The following CACNA2D3 variants were observed in gnomAD, a reference collection of about 807,000 sequenced individuals.
The protein encoded by CACNA2D3 is calcium voltage-gated channel auxiliary subunit alpha2delta 3, also known as voltage-dependent calcium channel subunit alpha-2/delta-3.
Under a neutral mutation model 160.6 loss-of-function variants are expected in CACNA2D3, and 60 were observed. The ratio of observed to expected loss-of-function variants is 0.37; its 90% CI spans 0.30 to 0.46. The LOEUF (loss-of-function observed/expected upper bound fraction) is 0.46. Among genes scored for constraint, CACNA2D3 ranks in the 20% least tolerant of loss-of-function variants. The probability of loss-of-function intolerance (pLI) is 1.00; values close to 1 mark genes in which losing one functional copy is unlikely to be tolerated. For missense variants in CACNA2D3, 1,205 were observed against 1,365.0 expected (o/e 0.88, Z 1.85); for synonymous variants, 558 against 492.9 (o/e 1.13, Z -1.75).
chr3:54,147,197 C>T (rs937095957), intron 2 of CACNA2D3, among the ~76,000 whole-genome samples: 2 of 152,214 alleles, frequency 1.3e-5, no homozygotes, highest in African/African-American at 4.8e-5. Context: ...GGGTGTGTGG[C>T]TTTGCTCTTC....
intron 35 of CACNA2D3, among the ~76,000 whole-genome samples, chr3:55,056,868 T>C (rs1009672454): frequency 7.9e-5 from 12 of 152,186 alleles, no homozygotes; most frequent in Non-Finnish European, 1.8e-4. Context: ...AAGGACTGTT[T>C]CTGGAGTTCT....
intron 27 of CACNA2D3, among the ~76,000 whole-genome samples, chr3:54,926,225 A>G (rs1011999066): frequency 5.3e-5 from 8 of 152,138 alleles, no homozygotes; most frequent in Admixed American, 5.2e-4. Context: ...TGAGCCACCT[A>G]CCATTCTAAG....
chr3:54,979,627 C>T (rs1264280354), intron 29 of CACNA2D3, among the ~76,000 whole-genome samples: 3 of 152,118 alleles, frequency 2.0e-5, no homozygotes, highest in East Asian at 3.9e-4. Flanking sequence ...AAAAATATTA[C>T]TTCAGTTTTT....
chr3:54,628,631 A>T (rs1699172869), intron 10 of CACNA2D3, among the ~76,000 whole-genome samples: 1 of 146,476 alleles, frequency 6.8e-6, no homozygotes, highest in East Asian at 1.9e-4. Context: ...TGGACTAGGG[A>T]GATAGCAGTG....
At chr3:55,034,505 T>G (rs113647172) in intron 35 of CACNA2D3, among the ~76,000 whole-genome samples, 90 of 152,174 alleles carry the variant, frequency 5.9e-4, no homozygotes, top group African/African-American at 2.2e-3. Context: ...GCATAGCTCA[T>G]CATAATTATT....
At chr3:54,334,302 G>A (rs1392682036) in intron 3 of CACNA2D3, among the ~76,000 whole-genome samples, 2 of 152,128 alleles carry the variant, frequency 1.3e-5, no homozygotes, top group East Asian at 3.9e-4. Context: ...GGCCAGGCTG[G>A]TCTTGACTCC....
chr3:54,462,371 G>A (rs1037549602), intron 4 of CACNA2D3, among the ~76,000 whole-genome samples: 1 of 152,168 alleles, frequency 6.6e-6, no homozygotes. Flanking sequence ...TGTTGACAGT[G>A]GGGTGTTAAC....
intron 5 of CACNA2D3, among the ~76,000 whole-genome samples, chr3:54,508,016 G>C (rs1467945671): frequency 1.3e-5 from 2 of 152,220 alleles, no homozygotes; most frequent in East Asian, 3.9e-4. Context: ...CCCAGGTGAT[G>C]GCATTAAAAG....
At chr3:54,682,095 A>G (rs1700361833) in intron 11 of CACNA2D3, among the ~76,000 whole-genome samples, 1 of 151,978 alleles carries the variant, frequency 6.6e-6, no homozygotes, top group African/African-American at 2.4e-5. Flanking sequence ...GCGTGATTGC[A>G]AAGTGTGATG....
chr3:54,944,396 GTATTTATTTATTTATT>G (rs542683931), intron 27 of CACNA2D3, among the ~76,000 whole-genome samples: 3,885 of 148,620 alleles, frequency 0.026, 71 homozygotes, highest in Non-Finnish European at 0.037. Context: ...ATTTCCCAGG[GTATTTATTTATTTATT>G]TATTTATTTA....
chr3:54,992,362 C>G (rs549328178), intron 31 of CACNA2D3, among the ~76,000 whole-genome samples: 20 of 152,238 alleles, frequency 1.3e-4, no homozygotes, highest in African/African-American at 4.6e-4. Flanking sequence ...GTGTCCCCAG[C>G]TTAAAGGTAC....
intron 5 of CACNA2D3, among the ~76,000 whole-genome samples, chr3:54,552,583 G>T (rs1235174290): frequency 2.6e-5 from 4 of 152,172 alleles, no homozygotes; most frequent in Non-Finnish European, 5.9e-5. Flanking sequence ...TTTGGGGATA[G>T]ATTTCCTCAT....
At position 55,052,456 on chromosome 3, in the gene CACNA2D3, GTATATA is replaced by G. The variant is rs3061749; in HGVS notation, c.2988-20978_2988-20973del. On this transcript the variant is annotated intron_variant, in intron 35 of 37. Coordinates refer to ENST00000474759, the MANE Select transcript of CACNA2D3 (RefSeq NM_018398.3). ...CATATATATGTATATACCTGTGTGTGTATATATATATATATAGTGTTGTTGTTAAAG... is the reference window on the plus strand; with the variant it reads ...CATATATATGTATATACCTGTGTGTGTATATATATAGTGTTGTTGTTAAAG... 2.0e-5 allele frequency among the ~76,000 whole-genome samples: 3 copies of G among 149,674 alleles called. No individual in the cohort carries two copies. The East Asian group carries it at 5.9e-4, about 29-fold the overall frequency.
chr3:54,714,183 A>G (rs1014344419), intron 11 of CACNA2D3, among the ~76,000 whole-genome samples: 1 of 152,158 alleles, frequency 6.6e-6, no homozygotes, highest in African/African-American at 2.4e-5. Flanking sequence ...GAAAGACAAG[A>G]TGATATTTTG....
At chr3:54,634,290 T>A (rs537284088) in intron 10 of CACNA2D3, among the ~76,000 whole-genome samples, 33 of 152,300 alleles carry the variant, frequency 2.2e-4, no homozygotes, top group Admixed American at 5.2e-4. Flanking sequence ...TATCTTTCCC[T>A]CAGATACTCA....
In CACNA2D3 at chr3:54,817,324, C is replaced by T. The variant is rs536223599; in HGVS notation, c.1398+454C>T. ...TTTTATTAATTGTAAAAATCAGCAG[C>T]TCCTTTGCTAGCTTCATCATCCCAG... On this transcript the variant is annotated intron_variant, in intron 14 of 37. Coordinates refer to ENST00000474759, the MANE Select transcript of CACNA2D3 (RefSeq NM_018398.3). Among the ~76,000 whole-genome samples, 3 of 152,278 alleles carry T rather than the reference C, an allele frequency of 2.0e-5. No individual in the cohort carries two copies. The South Asian group carries it at 6.2e-4, about 32-fold the overall frequency.
chr3:54,225,260 A>G (rs1203503123), intron 2 of CACNA2D3, among the ~76,000 whole-genome samples: 2 of 152,144 alleles, frequency 1.3e-5, no homozygotes, highest in Admixed American at 6.5e-5. Flanking sequence ...AGCTTCATCC[A>G]TGTCCCTACA....
chr3:54,757,240 G>A (rs1233759483), intron 12 of CACNA2D3, among the ~76,000 whole-genome samples: 1 of 152,064 alleles, frequency 6.6e-6, no homozygotes, highest in African/African-American at 2.4e-5. Flanking sequence ...TCCATGTTTG[G>A]GTTCTCAACC....
At chr3:54,382,741 G>A (rs1699124191) in intron 3 of CACNA2D3, among the ~76,000 whole-genome samples, 2 of 152,254 alleles carry the variant, frequency 1.3e-5, no homozygotes, top group Non-Finnish European at 2.9e-5. Context: ...CCGAGATCAC[G>A]CCATTGCACT....
Sources: allele counts gnomAD v4.1 joint callset (sites outside exome capture counted in the v4.1 genomes callset), GRCh38; gene constraint gnomAD v4.1.1; transcripts MANE v1.5; gene names NCBI Gene and HGNC (gene_info 2026-07-23, HGNC 2026-07-21).